The following DAPK1 variants were observed in gnomAD, a reference collection of about 807,000 sequenced individuals.
DAPK1 encodes death associated protein kinase 1, also known as death-associated protein kinase 1.
Under a neutral mutation model 144.9 loss-of-function variants are expected in DAPK1, and 56 were observed. That is an observed-to-expected ratio of 0.39 (90% confidence interval 0.31 to 0.48). DAPK1 has a LOEUF of 0.48. Among genes scored for constraint, DAPK1 ranks in the 20% least tolerant of loss-of-function variants. DAPK1 has a pLI of 0.95. For missense variants in DAPK1, 1,454 were observed against 1,875.4 expected, an observed-to-expected ratio of 0.78 and a Z score of 4.15; for synonymous variants, 690 against 749.0, an observed-to-expected ratio of 0.92 and a Z score of 1.29.
intron 2 of DAPK1, among the ~76,000 whole-genome samples, chr9:87,575,478 C>T (rs1362386855): frequency 6.6e-6 from 1 of 151,862 alleles, no homozygotes; most frequent in African/African-American, 2.4e-5. Context: ...GTTGTGAGGG[C>T]AAGAAACCTT....
intron 2 of DAPK1, among the ~76,000 whole-genome samples, chr9:87,593,405 C>A (rs1054821406): frequency 6.6e-6 from 1 of 152,240 alleles, no homozygotes; most frequent in African/African-American, 2.4e-5. Context: ...AGAGGAGAAA[C>A]CATGTGAATA....
chr9:87,701,988 T>C (rs1224978087), intron 24 of DAPK1: 1 of 406,640 alleles, frequency 2.5e-6, no homozygotes, highest in East Asian at 7.5e-5. Flanking sequence ...AGGGCCCCTG[T>C]GCTTCCCCAC....
chr9:87,615,068 A>G (rs953838722), intron 3 of DAPK1, among the ~76,000 whole-genome samples: 2 of 152,244 alleles, frequency 1.3e-5, no homozygotes, highest in African/African-American at 2.4e-5. Context: ...ATCTGCAAGC[A>G]GGTCAGTGAC....
intron 9 of DAPK1, among the ~76,000 whole-genome samples, chr9:87,641,133 A>G (rs1830079385): frequency 6.6e-6 from 1 of 152,208 alleles, no homozygotes; most frequent in Non-Finnish European, 1.5e-5. Context: ...CAAACAGTGT[A>G]TTTAACATTT....
chr9:87,557,455 C>T (rs907540962), intron 2 of DAPK1, among the ~76,000 whole-genome samples: 13 of 152,144 alleles, frequency 8.5e-5, no homozygotes, highest in African/African-American at 2.9e-4. Flanking sequence ...CTTTTGTGAG[C>T]TCTAAAACCA....
chr9:87,514,667 A>G (rs1824978361), intron 2 of DAPK1, among the ~76,000 whole-genome samples: 1 of 152,240 alleles, frequency 6.6e-6, no homozygotes, highest in African/African-American at 2.4e-5. Context: ...TGTTGGATTG[A>G]ACAAAGCCCG....
chr9:87,641,125 A>G (rs1830079206), intron 9 of DAPK1, among the ~76,000 whole-genome samples: 1 of 152,216 alleles, frequency 6.6e-6, no homozygotes, highest in Non-Finnish European at 1.5e-5. Context: ...TGTTGGCCCA[A>G]ACAGTGTATT....
rs183376443 is a variant in DAPK1 at position 87,688,832 on chromosome 9, T to G, written c.2413+2093T>G. ...TAAGTTCCTTATAGATTCTGGATCT[T>G]AGATTATGCCTTTTTGGATGCATAG... On this transcript the variant is annotated intron_variant, in intron 21 of 25. Coordinates refer to ENST00000408954, the MANE Select transcript of DAPK1 (RefSeq NM_004938.4). Among the ~76,000 whole-genome samples the G allele has an allele frequency of 5.5e-4, 84 of 152,300 alleles. 1 individual carries two copies. In the Middle Eastern group the frequency reaches 0.02, roughly 37 times the overall value.
chr9:87,554,795 G>C lies in DAPK1; in HGVS notation c.63-50159G>C, dbSNP rs545997001. Among the ~76,000 whole-genome samples, 6 of 152,332 alleles carry C rather than the reference G, an allele frequency of 3.9e-5. No individual in the cohort carries two copies. The East Asian group carries it at 1.2e-3, about 29-fold the overall frequency. On this transcript the variant is annotated intron_variant, in intron 2 of 25. Coordinates refer to ENST00000408954, the MANE Select transcript of DAPK1 (RefSeq NM_004938.4). ...GCTGATGCTGTCTCCCACCCAGGCC[G>C]TGTAGCCATTTCCCCCACCCCCACC...
chr9:87,662,569 T>TTTTTG (rs1564056370), intron 18 of DAPK1, among the ~76,000 whole-genome samples: 3 of 133,806 alleles, frequency 2.2e-5, no homozygotes, highest in Non-Finnish European at 4.8e-5. Context: ...AGTTTTTTTT[T>TTTTTG]TTTTTTTTTT....
At chr9:87,681,238 A>G (rs1186338303) in intron 19 of DAPK1, among the ~76,000 whole-genome samples, 166 bp from the exon 20 acceptor site, 4 of 150,872 alleles carry the variant, frequency 2.7e-5, no homozygotes, top group African/African-American at 9.8e-5. Context: ...AGATCGTGCC[A>G]TTGCACTCCA....
rs1825340655 is a variant in DAPK1, at chr9:87,698,545, T to G, written c.2612-111T>G. ...TCATCTCTGTGGCATGTTGCACTTG[T>G]ACCTGGAGAGTCGGCCTGGGCATGA... is the stretch of plus-strand genomic sequence containing the variant. On this transcript the variant is annotated intron_variant, in intron 22 of 25. Transcript: ENST00000408954. The G allele has an allele frequency of 7.0e-6, 5 of 709,998 alleles. No individual in the cohort carries two copies. The Admixed American group carries it at 1.1e-4, about 15-fold the overall frequency. 44.0% of individuals were successfully genotyped at this position (709,998 alleles called of 1,614,324 possible). A position where few individuals can be genotyped will look rare whatever the true frequency, so the allele number is the denominator to read the frequency against.
Position 87,706,252 on chromosome 9 carries a change from C to T in DAPK1, c.3181C>T (p.Arg1061Trp), listed in dbSNP as rs371272256. The T allele has an allele frequency of 3.7e-6, 6 of 1,613,640 alleles. No individual in the cohort carries two copies. The highest frequency in any genetic ancestry group is 5.1e-6 in the Non-Finnish European group (6 of 1,179,728). Residue 1061 changes from arginine to tryptophan, a missense_variant, in exon 26 of 26, where the codon CGG (arginine) becomes TGG (tryptophan). Transcript: ENST00000408954. This position sits in a 1 kb window ranked among gnomAD's most constrained non-coding sequence, Gnocchi z 9.0. ...GACCCCACGGGCGCTGCACCACTAC[C>T]GGGGCCGCTACACCGTGGAGGACAT... is the stretch of plus-strand genomic sequence containing the variant. Reference protein sequence around the residue: ...VETPRALHHYRGRYTVEDIQR... With the variant: ...VETPRALHHYWGRYTVEDIQR...
chr9:87,632,681 T>A, intron 3 of DAPK1: 1 of 966,476 alleles, frequency 1.0e-6, no homozygotes, highest in Non-Finnish European at 1.2e-6. Context: ...GGAAGATGAG[T>A]ACCTATATAC....
chr9:87,552,412 TTC>T (rs1231608212), intron 2 of DAPK1, among the ~76,000 whole-genome samples: 1 of 152,036 alleles, frequency 6.6e-6, no homozygotes, highest in Non-Finnish European at 1.5e-5. Context: ...GGGCACCACT[TTC>T]TGGAAAATAT....
chr9:87,588,143 A>AT (rs1487558047), intron 2 of DAPK1, among the ~76,000 whole-genome samples: 1 of 152,252 alleles, frequency 6.6e-6, no homozygotes, highest in African/African-American at 2.4e-5. Flanking sequence ...TCCAAAGTGC[A>AT]TAAGTCATAA....
intron 2 of DAPK1, among the ~76,000 whole-genome samples, chr9:87,511,409 A>G (rs1050734054): frequency 2.0e-5 from 3 of 152,136 alleles, no homozygotes; most frequent in African/African-American, 7.2e-5. Flanking sequence ...AGTCCACAAG[A>G]CACCATGGGA....
chr9:87,685,273 G>T (rs187788834), intron 20 of DAPK1, among the ~76,000 whole-genome samples: 1 of 152,080 alleles, frequency 6.6e-6, no homozygotes, highest in Non-Finnish European at 1.5e-5. Context: ...CTGCCCTTAG[G>T]ATCCACTTTT....
At chr9:87,636,919 G>A (rs1034307868) in intron 3 of DAPK1, among the ~76,000 whole-genome samples, 3 of 152,156 alleles carry the variant, frequency 2.0e-5, no homozygotes, top group Admixed American at 6.5e-5. Context: ...ACCTGATAAA[G>A]TTTTGAATGC....
Sources: gnomAD v4.1 joint callset for allele counts (sites outside exome capture counted in the v4.1 genomes callset) on GRCh38, gnomAD v4.1.1 for gene constraint, Gnocchi (gnomAD v3.1) non-coding constraint, MANE v1.5 for transcripts, NCBI Gene and HGNC (gene_info 2026-07-23, HGNC 2026-07-21) for gene names.